Variants in RAP1GAP2 observed in about 807,000 individuals in gnomAD.
RAP1GAP2 encodes rap1 GTPase-activating protein 2.
RAP1GAP2 carries 27 observed loss-of-function variants against 95.0 expected under a neutral mutation model. The ratio of observed to expected loss-of-function variants is 0.28; its 90% CI spans 0.21 to 0.39. The LOEUF (loss-of-function observed/expected upper bound fraction) is 0.39, where lower values mean the gene tolerates loss of function less well. Ranked by LOEUF, RAP1GAP2 falls within the 10% of genes least tolerant of loss-of-function variation. RAP1GAP2 has a pLI of 1.00. For missense variants in RAP1GAP2, 771 were observed against 970.0 expected, an observed-to-expected ratio of 0.79 and a Z score of 2.72; for synonymous variants, 373 against 380.9, an observed-to-expected ratio of 0.98 and a Z score of 0.24.
intron 2 of RAP1GAP2, among the ~76,000 whole-genome samples, chr17:2,901,682 G>A (rs115431399): frequency 0.016 from 2,468 of 152,084 alleles, 30 homozygotes; most frequent in African/African-American, 0.04. Context: ...ATGTTTGCCT[G>A]AGTGGGAGAA....
chr17:2,892,641 G>C (rs2073761643), intron 2 of RAP1GAP2, among the ~76,000 whole-genome samples: 1 of 152,180 alleles, frequency 6.6e-6, no homozygotes, highest in South Asian at 2.1e-4. Flanking sequence ...CCCAGCTGCA[G>C]CATTGACAGT....
At chr17:3,020,398 G>A (rs2046918190) in intron 18 of RAP1GAP2, 79 bp from the exon 19 acceptor site, 1 of 1,169,856 alleles carries the variant, frequency 8.5e-7, no homozygotes, top group East Asian at 2.5e-5. Context: ...GGAGCCATTT[G>A]TAGACCAGGG....
chr17:2,859,643 C>T (rs2072291739), intron 2 of RAP1GAP2, among the ~76,000 whole-genome samples: 1 of 152,094 alleles, frequency 6.6e-6, no homozygotes, highest in African/African-American at 2.4e-5. Context: ...GTCATGTTGC[C>T]CAGGCTGGTC....
Position 2,963,084 on chromosome 17 carries a change from C to A in RAP1GAP2, c.247-346C>A. 1 of 531,214 alleles carries A rather than the reference C, an allele frequency of 1.9e-6. No individual in the cohort carries two copies. Among genetic ancestry groups the A allele is most frequent in the Non-Finnish European group, 3.3e-6 (1 of 299,392 alleles). The allele number at this position is 531,214 out of a possible 1,614,324, so 32.9% of individuals were successfully genotyped here. A position where few individuals can be genotyped will look rare whatever the true frequency, so the allele number is the denominator to read the frequency against. The stretch of plus-strand genomic sequence containing the variant: ...CCCAACCCAGGGGTGCCGCTTATCA[C>A]TTGGAGGTCAGTCCGCCTGCCTGGA... On this transcript the variant is annotated intron_variant, in intron 5 of 24. Transcript: ENST00000254695. This position sits in a 1 kb window ranked among gnomAD's most constrained non-coding sequence, Gnocchi z 4.8.
Position 2,801,990 on chromosome 17 carries a change from A to T in RAP1GAP2, c.80+1440A>T, listed in dbSNP as rs527490133. Among the ~76,000 whole-genome samples the T allele has an allele frequency of 2.0e-5, 3 of 152,304 alleles. No homozygotes were observed. The East Asian group carries it at 5.8e-4, about 29-fold the overall frequency. ...ATGAGGCAATGAGTACTGGCTAACCATCTGCTCCAGTGGAGTGAATTGAAA... is the reference window on the plus strand; with the variant it reads ...ATGAGGCAATGAGTACTGGCTAACCTTCTGCTCCAGTGGAGTGAATTGAAA... On this transcript the variant is annotated intron_variant, in intron 2 of 24. Transcript: ENST00000254695.
At chr17:3,013,378 C>T (rs552219052) in intron 17 of RAP1GAP2, among the ~76,000 whole-genome samples, 8 of 152,284 alleles carry the variant, frequency 5.3e-5, no homozygotes, top group Admixed American at 6.5e-5. Context: ...TGGGGGTCCA[C>T]GAGAGAGCTC....
At chr17:2,953,040 A>G (rs1393557854) in intron 3 of RAP1GAP2, among the ~76,000 whole-genome samples, 2 of 151,850 alleles carry the variant, frequency 1.3e-5, no homozygotes, top group Non-Finnish European at 2.9e-5. Flanking sequence ...TCCTGGGCTC[A>G]TGTGGTCTGC....
Position 3,005,801 on chromosome 17 carries a change from T to C in RAP1GAP2, c.1273-154T>C, listed in dbSNP as rs1245085359. On this transcript the variant is annotated intron_variant, in intron 15 of 24. Transcript: ENST00000254695. The surrounding 1 kb of genome is among the most constrained non-coding windows in gnomAD (Gnocchi z 5.2). ...GTTTCCTTGTTGGGATATTTGCAAG[T>C]GGGCTTGGCCTGGGCTAGAAATGAT... Among the ~76,000 whole-genome samples, 4 of 152,152 alleles carry C rather than the reference T, an allele frequency of 2.6e-5. No homozygotes were observed. The highest frequency in any genetic ancestry group is 5.9e-5 in the Non-Finnish European group (4 of 68,026).
chr17:2,861,825 T>G (rs911413608), intron 2 of RAP1GAP2, among the ~76,000 whole-genome samples: 1 of 152,084 alleles, frequency 6.6e-6, no homozygotes, highest in Non-Finnish European at 1.5e-5. Flanking sequence ...CGGCTAATTT[T>G]TTGTATTTTT....
At chr17:2,890,422 G>A (rs2073667682) in intron 2 of RAP1GAP2, among the ~76,000 whole-genome samples, 1 of 152,174 alleles carries the variant, frequency 6.6e-6, no homozygotes, top group South Asian at 2.1e-4. Context: ...TAAGACTTAA[G>A]ACACAGTCTT....
chr17:3,004,408 T>C lies in RAP1GAP2; in HGVS notation c.1201-961T>C, dbSNP rs561659794. ...CCGGCCTGGCAGACTCTGCATCTGC[T>C]CCACTTCACAGGCCGGGGAGGCTGG... On this transcript the variant is annotated intron_variant, in intron 14 of 24. Transcript: ENST00000254695. This position sits in a 1 kb window ranked among gnomAD's most constrained non-coding sequence, Gnocchi z 4.1. Among the ~76,000 whole-genome samples the C allele has an allele frequency of 1.3e-5, 2 of 152,272 alleles. No individual in the cohort carries two copies. The highest frequency in any genetic ancestry group is 4.8e-5 in the African/African-American group (2 of 41,556).
upstream of RAP1GAP2, among the ~76,000 whole-genome samples, chr17:2,793,405 C>T (rs1047250630): frequency 3.3e-5 from 5 of 152,310 alleles, no homozygotes; most frequent in Admixed American, 1.3e-4. Flanking sequence ...CTCCCTGCCT[C>T]GGTCTCCCAA....
chr17:3,010,908 G>A (rs2046512632), intron 17 of RAP1GAP2, among the ~76,000 whole-genome samples: 2 of 150,774 alleles, frequency 1.3e-5, no homozygotes, highest in African/African-American at 2.4e-5. Context: ...GTTGTGACCA[G>A]ATTTTTTTTA....
intron 2 of RAP1GAP2, among the ~76,000 whole-genome samples, chr17:2,893,598 GA>G (rs1356848886): frequency 6.6e-6 from 1 of 152,240 alleles, no homozygotes; most frequent in Admixed American, 6.5e-5. Flanking sequence ...TACGGGCTGG[GA>G]AAATGCTGAT....
intron 2 of RAP1GAP2, among the ~76,000 whole-genome samples, chr17:2,850,890 G>A (rs977685074): frequency 1.5e-4 from 23 of 151,900 alleles, no homozygotes; most frequent in East Asian, 1.9e-4. Context: ...GCGAAACCCC[G>A]TCTCTACTAA....
chr17:3,016,631 G>T (rs2046779372), intron 17 of RAP1GAP2, among the ~76,000 whole-genome samples: 1 of 152,206 alleles, frequency 6.6e-6, no homozygotes, highest in South Asian at 2.1e-4. Context: ...GGGTCTCCCA[G>T]TTCCTGGCAC....
At chr17:2,995,891 C>T (rs757891127) in intron 13 of RAP1GAP2, among the ~76,000 whole-genome samples, 19 of 152,148 alleles carry the variant, frequency 1.2e-4, no homozygotes, top group Admixed American at 2.6e-4. Context: ...GGCCTGAAGC[C>T]GCCTGTGCCA....
intron 2 of RAP1GAP2, among the ~76,000 whole-genome samples, chr17:2,807,369 C>T (rs1282598834): frequency 1.3e-5 from 2 of 152,208 alleles, no homozygotes; most frequent in Non-Finnish European, 2.9e-5. Context: ...GTCTGCTCTT[C>T]TCCTACACAC....
chr17:2,984,036 A>C (rs1250066642), intron 10 of RAP1GAP2, among the ~76,000 whole-genome samples: 1 of 152,216 alleles, frequency 6.6e-6, no homozygotes, highest in Non-Finnish European at 1.5e-5. Flanking sequence ...AAAGCTACAT[A>C]GGTAAAAACA....
Sources: allele counts gnomAD v4.1 joint callset (sites outside exome capture counted in the v4.1 genomes callset), GRCh38; gene constraint gnomAD v4.1.1; non-coding constraint Gnocchi (gnomAD v3.1); transcripts MANE v1.5; gene names NCBI Gene and HGNC (gene_info 2026-07-23, HGNC 2026-07-21).